ACOT7: variants seen among roughly 807,000 people sequenced by gnomAD.
ACOT7 encodes acyl-CoA thioesterase 7.
ACOT7 carries 12 observed loss-of-function variants against 40.2 expected under a neutral mutation model. The ratio of observed to expected loss-of-function variants is 0.30; its 90% CI spans 0.19 to 0.48. The LOEUF (loss-of-function observed/expected upper bound fraction) is 0.48. Ranked by LOEUF, ACOT7 falls within the 20% of genes least tolerant of loss-of-function variation. The pLI, the probability that ACOT7 is intolerant of heterozygous loss-of-function variation, is 0.99. For missense variants in ACOT7, 395 were observed against 530.8 expected, an observed-to-expected ratio of 0.74 and a Z score of 2.51; for synonymous variants, 228 against 219.5, an observed-to-expected ratio of 1.04 and a Z score of -0.34.
rs1435416748 is a variant in ACOT7, at chr1:6,330,299, G to A, written c.511-2886C>T. On this transcript the variant is annotated intron_variant, in intron 4 of 8. Coordinates refer to ENST00000361521, the MANE Select transcript of ACOT7 (RefSeq NM_007274.4). The surrounding 1 kb of genome is among the most constrained non-coding windows in gnomAD (Gnocchi z 4.6). ...GGGCATAAATGCCCATCGGAGCCAGGGAAGGAAGCTGTACTTTCTGGGATT... is the reference window on the plus strand; with the variant it reads ...GGGCATAAATGCCCATCGGAGCCAGAGAAGGAAGCTGTACTTTCTGGGATT... 6.6e-6 allele frequency among the ~76,000 whole-genome samples: 1 copy of A among 152,190 alleles called. No individual in the cohort carries two copies. The highest frequency in any genetic ancestry group is 2.4e-5 in the African/African-American group (1 of 41,444).
At chr1:6,314,832 A>T (rs900432727) in intron 6 of ACOT7, among the ~76,000 whole-genome samples, 1 of 151,776 alleles carries the variant, frequency 6.6e-6, no homozygotes, top group Non-Finnish European at 1.5e-5. Flanking sequence ...CATTCAACCC[A>T]GAACGGCAGA....
intron 5 of ACOT7, among the ~76,000 whole-genome samples, chr1:6,326,017 G>T (rs1640788662): frequency 6.6e-6 from 1 of 152,198 alleles, no homozygotes; most frequent in African/African-American, 2.4e-5. Context: ...AGCTGAGTAA[G>T]AAACTCAAAC....
chr1:6,386,745 G>A lies in ACOT7; in HGVS notation c.143+6512C>T, dbSNP rs868010869. Among the ~76,000 whole-genome samples, 15 of 152,252 alleles carry A rather than the reference G, an allele frequency of 9.9e-5. No individual in the cohort carries two copies. The South Asian group carries it at 1.0e-3, about 11-fold the overall frequency. On this transcript the variant is annotated intron_variant, in intron 1 of 8. Coordinates refer to ENST00000361521, the MANE Select transcript of ACOT7 (RefSeq NM_007274.4). Reference sequence around the variant, plus strand: ...ACAGAGGCGTGCACTCGTAGTCCCAGCTACTCGAGAGGCTGAGGTGGGAGA... The same window carrying A: ...ACAGAGGCGTGCACTCGTAGTCCCAACTACTCGAGAGGCTGAGGTGGGAGA...
Position 6,274,419 on chromosome 1 carries a change from G to A in ACOT7, c.1014+6683C>T, listed in dbSNP as rs562580772. Reference sequence around the variant, plus strand: ...TGACTTAAGCCCTGGGGCCCATCCCGCCCCTCCAGCTGAACAGCAGGTCAA... The same window carrying A: ...TGACTTAAGCCCTGGGGCCCATCCCACCCCTCCAGCTGAACAGCAGGTCAA... On this transcript the variant is annotated intron_variant, in intron 8 of 8. Transcript: ENST00000361521. This position sits in a 1 kb window ranked among gnomAD's most constrained non-coding sequence, Gnocchi z 5.9. Among the ~76,000 whole-genome samples the A allele has an allele frequency of 7.9e-4, 121 of 152,284 alleles. No homozygotes were observed. Among genetic ancestry groups the A allele is most frequent in the African/African-American group, 2.7e-3 (111 of 41,556 alleles).
intron 1 of ACOT7, among the ~76,000 whole-genome samples, chr1:6,390,165 C>T (rs1018752501): frequency 1.3e-5 from 2 of 152,216 alleles, no homozygotes; most frequent in South Asian, 2.1e-4. Flanking sequence ...ACCACTCCCG[C>T]CTACTCCTTT....
chr1:6,264,490 G>T lies in ACOT7; in HGVS notation c.*107C>A. ...GATACGAAAACTTCAGACAACACCAGCTCTCAATGTGAATTGGGTTTTTGG... is the reference window on the plus strand; with the variant it reads ...GATACGAAAACTTCAGACAACACCATCTCTCAATGTGAATTGGGTTTTTGG... On this transcript the variant is annotated 3_prime_UTR_variant, in exon 9 of 9. Transcript: ENST00000361521. 3.0e-6 allele frequency: 3 copies of T among 999,322 alleles called. No homozygotes were observed. Among genetic ancestry groups the T allele is most frequent in the South Asian group, 1.6e-5 (1 of 62,244 alleles). 61.9% of individuals were successfully genotyped at this position (999,322 alleles called of 1,614,324 possible). A position where few individuals can be genotyped will look rare whatever the true frequency, so the allele number is the denominator to read the frequency against.
intron 2 of ACOT7, among the ~76,000 whole-genome samples, chr1:6,342,755 A>T (rs898941635): frequency 5.9e-5 from 9 of 152,188 alleles, no homozygotes; most frequent in African/African-American, 2.2e-4. Flanking sequence ...GCACCCTTTC[A>T]CTTAAACCGT....
At chr1:6,292,122 T>C (rs1310740138) in intron 7 of ACOT7, among the ~76,000 whole-genome samples, 1 of 152,240 alleles carries the variant, frequency 6.6e-6, no homozygotes, top group Non-Finnish European at 1.5e-5. Context: ...CCCTGGAGGA[T>C]ACTGGCATAG....
At chr1:6,287,116 C>T (rs902194658) in intron 7 of ACOT7, among the ~76,000 whole-genome samples, 1 of 152,236 alleles carries the variant, frequency 6.6e-6, no homozygotes, top group Admixed American at 6.5e-5. Flanking sequence ...GCCTGAGAGC[C>T]AGGAGTTCCG....
intron 1 of ACOT7, among the ~76,000 whole-genome samples, chr1:6,354,599 T>TCCCATGGCCTCTGCACTGGCCTCTCACTC (rs1236473832): frequency 1.3e-5 from 2 of 150,862 alleles, no homozygotes; most frequent in African/African-American, 2.4e-5. Context: ...GGAGGTCACC[T>TCCCATGGCCTCTGCACTGGCCTCTCACTC]CCCATGGCCT....
At chr1:6,285,951 G>C (rs1049343792) in intron 7 of ACOT7, among the ~76,000 whole-genome samples, 1 of 152,210 alleles carries the variant, frequency 6.6e-6, no homozygotes, top group Non-Finnish European at 1.5e-5. Flanking sequence ...GGGACATTGC[G>C]GGGCCCATCC....
intron 1 of ACOT7, chr1:6,360,527 C>G (rs756943931): frequency 5.6e-6 from 9 of 1,611,136 alleles, no homozygotes; most frequent in Non-Finnish European, 7.6e-6. Context: ...CTTCCCTCCC[C>G]TGACCCCAAA....
Position 6,352,198 on chromosome 1 carries a change from A to C in ACOT7, c.144-2332T>G, listed in dbSNP as rs1208945645. 1 of 152,506 alleles carries C rather than the reference A, an allele frequency of 6.6e-6. No homozygotes were observed. Among genetic ancestry groups the C allele is most frequent in the Admixed American group, 6.5e-5 (1 of 15,282 alleles). The allele number at this position is 152,506 out of a possible 1,614,324, so 9.4% of individuals were successfully genotyped here. ...GGGACTGTGCTGTCACCTCCAATGC[A>C]CAAGGCTCAAAGCCCAACTCACTTA... On this transcript the variant is annotated intron_variant, in intron 1 of 8. Coordinates refer to ENST00000361521, the MANE Select transcript of ACOT7 (RefSeq NM_007274.4). This position sits in a 1 kb window ranked among gnomAD's most constrained non-coding sequence, Gnocchi z 4.5.
At chr1:6,272,117 C>T (rs912181039) in intron 8 of ACOT7, among the ~76,000 whole-genome samples, 1 of 152,252 alleles carries the variant, frequency 6.6e-6, no homozygotes, top group Non-Finnish European at 1.5e-5. Flanking sequence ...AAGCCGCGTG[C>T]TCATGGCACA....
chr1:6,321,012 G>A (rs1476916659), intron 5 of ACOT7, among the ~76,000 whole-genome samples: 2 of 152,196 alleles, frequency 1.3e-5, no homozygotes, highest in African/African-American at 4.8e-5. Context: ...AAGAACACAG[G>A]AGCTACCCAG....
chr1:6,268,522 G>T (rs140973745), intron 8 of ACOT7, among the ~76,000 whole-genome samples: 2 of 152,206 alleles, frequency 1.3e-5, no homozygotes, highest in African/African-American at 4.8e-5. Flanking sequence ...CTTTACAAGC[G>T]GTGGGCTGCG....
Position 6,278,330 on chromosome 1 carries a change from C to G in ACOT7, c.1014+2772G>C, listed in dbSNP as rs1639259444. ...GAGGGAGCAACTCGGATTTTGATGA[C>G]CAGTTTCCTGGGCTGCAGGGAAGGG... On this transcript the variant is annotated intron_variant, in intron 8 of 8. Coordinates refer to ENST00000361521, the MANE Select transcript of ACOT7 (RefSeq NM_007274.4). This position sits in a 1 kb window ranked among gnomAD's most constrained non-coding sequence, Gnocchi z 4.1. Among the ~76,000 whole-genome samples, 1 of 152,108 alleles carries G rather than the reference C, an allele frequency of 6.6e-6. No homozygotes were observed. The highest frequency in any genetic ancestry group is 1.5e-5 in the Non-Finnish European group (1 of 68,014).
intron 1 of ACOT7, chr1:6,385,669 T>C (rs1402695018): frequency 6.2e-7 from 1 of 1,611,112 alleles, no homozygotes; most frequent in South Asian, 1.1e-5. Flanking sequence ...AGCTTCATCC[T>C]GCGGTAAGTG....
rs1557626379 is a variant in ACOT7, at chr1:6,275,707, G to A, written c.1014+5395C>T. Among the ~76,000 whole-genome samples the A allele has an allele frequency of 7.5e-6, 1 of 133,508 alleles. No individual in the cohort carries two copies. The highest frequency in any genetic ancestry group is 2.9e-5 in the African/African-American group (1 of 34,298). 87.6% of individuals were successfully genotyped at this position (133,508 alleles called of 152,430 possible). A position where few individuals can be genotyped will look rare whatever the true frequency, so the allele number is the denominator to read the frequency against. ...ACTCCAGGTTGGGCGACAGAGTGAG[G>A]CTCCGTCTCAAAAAAAAAAAAAAAA... On this transcript the variant is annotated intron_variant, in intron 8 of 8. Coordinates refer to ENST00000361521, the MANE Select transcript of ACOT7 (RefSeq NM_007274.4). This position sits in a 1 kb window ranked among gnomAD's most constrained non-coding sequence, Gnocchi z 5.6.
Sources: allele counts gnomAD v4.1 joint callset (sites outside exome capture counted in the v4.1 genomes callset), GRCh38; gene constraint gnomAD v4.1.1; non-coding constraint Gnocchi (gnomAD v3.1); transcripts MANE v1.5; gene names NCBI Gene and HGNC (gene_info 2026-07-23, HGNC 2026-07-21).